FOXR1: variants seen among roughly 807,000 people sequenced by gnomAD.
FOXR1 encodes forkhead box protein R1.
A neutral mutation model predicts 34.5 loss-of-function variants in FOXR1; 25 were observed. That is an observed-to-expected ratio of 0.72 (90% CI 0.53 to 1.01). FOXR1 has a LOEUF of 1.01. FOXR1 is among the 50% of genes least tolerant of loss of function. The probability of loss-of-function intolerance (pLI) is 0.00; values close to 1 mark genes in which losing one functional copy is unlikely to be tolerated. For synonymous variants in FOXR1, 153 were observed against 141.6 expected, an observed-to-expected ratio of 1.08 and a Z score of -0.57; for missense variants, 373 against 376.2, an observed-to-expected ratio of 0.99 and a Z score of 0.07.
rs907187550 is a variant in FOXR1 at position 118,971,823 on chromosome 11, A to G, written c.-109A>G. 4.0e-6 allele frequency: 5 copies of G among 1,237,754 alleles called. No individual in the cohort carries two copies. The African/African-American group carries it at 4.5e-5, about 11-fold the overall frequency. The allele number at this position is 1,237,754 out of a possible 1,614,324, so 76.7% of individuals were successfully genotyped here. On this transcript the variant is annotated 5_prime_UTR_variant, in exon 1 of 6. Coordinates refer to ENST00000317011, the MANE Select transcript of FOXR1 (RefSeq NM_181721.3). Reference sequence around the variant, plus strand: ...CGCCGCGCTCCCACTCCGCGTCCCCACTCCGCGCCGCCGCGCCTCTGCCAG... The same window carrying G: ...CGCCGCGCTCCCACTCCGCGTCCCCGCTCCGCGCCGCCGCGCCTCTGCCAG...
rs559205346 is a variant in FOXR1, at chr11:118,972,133, C to G, written c.61+141C>G. On this transcript the variant is annotated intron_variant, in intron 1 of 5. Transcript: ENST00000317011. Reference sequence around the variant, plus strand: ...TTGGGGGGCCGAGCGCCCCGCGCCCCCCCCCCCCGACGGCTTAGCTCCGCC... The same window carrying G: ...TTGGGGGGCCGAGCGCCCCGCGCCCGCCCCCCCCGACGGCTTAGCTCCGCC... 1.0e-5 allele frequency: 6 copies of G among 575,036 alleles called. 1 individual carries two copies. The highest frequency in any genetic ancestry group is 2.2e-5 in the African/African-American group (1 of 44,786). The allele number at this position is 575,036 out of a possible 1,614,324, so 35.6% of individuals were successfully genotyped here.
At chr11:118,979,276 C>A in intron 3 of FOXR1, 72 bp downstream of exon 3, 1 of 1,501,258 alleles carries the variant, frequency 6.7e-7, no homozygotes, top group Non-Finnish European at 8.9e-7. Context: ...CATTACAGTT[C>A]TGCTCTCTTA....
At chr11:118,976,610 A>G (rs1941783225) in intron 1 of FOXR1, among the ~76,000 whole-genome samples, 1 of 152,220 alleles carries the variant, frequency 6.6e-6, no homozygotes, top group African/African-American at 2.4e-5. Context: ...TTCCTGTATT[A>G]ACTTGAATAT....
At position 118,979,571 on chromosome 11, in the gene FOXR1, T is replaced by TCCCGGC. The variant is rs782666369; in HGVS notation, c.518_523dup (p.Arg173_Pro174dup). The TCCCGGC allele has an allele frequency of 6.2e-7, 1 of 1,613,142 alleles. No homozygotes were observed. The highest frequency in any genetic ancestry group is 1.7e-5 in the Admixed American group (1 of 59,866). On this transcript the variant is annotated inframe_insertion, in exon 4 of 6. Transcript: ENST00000317011. ...CAGCAGCCAGGCGGGGAGGCTCTGG[T>TCCCGGC]CCCGGCCCCCTCTCAATTACTTCCA...
intron 1 of FOXR1, among the ~76,000 whole-genome samples, chr11:118,978,218 A>C (rs1212070705): frequency 1.6e-5 from 1 of 62,964 alleles, no homozygotes; most frequent in African/African-American, 5.6e-5. Context: ...ACTCCATCTG[A>C]AAAAAAAAAA....
At chr11:118,978,727 G>A in intron 1 of FOXR1, 55 bp from the exon 2 acceptor site, 1 of 1,590,776 alleles carries the variant, frequency 6.3e-7, no homozygotes. Context: ...GGATCCTAGG[G>A]TCACAAAGGG....
At chr11:118,976,056 A>C (rs887820548) in intron 1 of FOXR1, among the ~76,000 whole-genome samples, 14 of 152,204 alleles carry the variant, frequency 9.2e-5, no homozygotes, top group African/African-American at 3.4e-4. Flanking sequence ...AGCCAGAAAG[A>C]CACGAGGTGG....
At chr11:118,977,927 T>C (rs1350514079) in intron 1 of FOXR1, among the ~76,000 whole-genome samples, 1 of 151,834 alleles carries the variant, frequency 6.6e-6, no homozygotes, top group African/African-American at 2.4e-5. Context: ...ATACAAAAAA[T>C]ACAAAAATTG....
intron 5 of FOXR1, among the ~76,000 whole-genome samples, chr11:118,981,002 C>T (rs1247958961): frequency 1.3e-5 from 2 of 152,184 alleles, no homozygotes; most frequent in Admixed American, 1.3e-4. Flanking sequence ...CAATAGTGAG[C>T]ACACAACATG....
intron 1 of FOXR1, among the ~76,000 whole-genome samples, chr11:118,973,857 C>A (rs1337420923): frequency 2.0e-5 from 3 of 152,034 alleles, no homozygotes; most frequent in Non-Finnish European, 4.4e-5. Flanking sequence ...CCACACCCAG[C>A]TAATTTTTAT....
chr11:118,975,166 ATCAAAACTAGGGCG>A (rs1411994915), intron 1 of FOXR1, among the ~76,000 whole-genome samples: 1 of 152,128 alleles, frequency 6.6e-6, no homozygotes. Flanking sequence ...ACTATTGAGA[ATCAAAACTAGGGCG>A]TCTGTGGTAT....
chr11:118,976,881 A>G (rs1026328620), intron 1 of FOXR1, among the ~76,000 whole-genome samples: 3 of 152,134 alleles, frequency 2.0e-5, no homozygotes, highest in Non-Finnish European at 4.4e-5. Flanking sequence ...ATGCTGATTC[A>G]TATCATTTGT....
In FOXR1 at chr11:118,977,969, C is replaced by T. The variant is rs546642691; in HGVS notation, c.62-813C>T. Among the ~76,000 whole-genome samples the T allele has an allele frequency of 2.0e-5, 3 of 152,164 alleles. No individual in the cohort carries two copies. In the South Asian group the frequency reaches 6.2e-4, roughly 32 times the overall value. ...GCGCGGTGGCTCAAGCCTGTAATCC[C>T]AGCACTTTGGGAGGGTGAGGCAGGC... On this transcript the variant is annotated intron_variant, in intron 1 of 5. Coordinates refer to ENST00000317011, the MANE Select transcript of FOXR1 (RefSeq NM_181721.3).
At chr11:118,974,546 A>C (rs1160650199) in intron 1 of FOXR1, among the ~76,000 whole-genome samples, 1 of 152,182 alleles carries the variant, frequency 6.6e-6, no homozygotes, top group Non-Finnish European at 1.5e-5. Flanking sequence ...GTTTGGTTTA[A>C]TACACTGCTG....
Position 118,978,876 on chromosome 11 carries a change from A to T in FOXR1, c.136+20A>T. Reference sequence around the variant, plus strand: ...AGGATGGTACGTATTGAGTTCTCTGACCTGTTTCTGTGGCCTGGGCTGGAG... The same window carrying T: ...AGGATGGTACGTATTGAGTTCTCTGTCCTGTTTCTGTGGCCTGGGCTGGAG... On this transcript the variant is annotated intron_variant, in intron 2 of 5. Transcript: ENST00000317011. 2 of 1,614,198 alleles carry T rather than the reference A, an allele frequency of 1.2e-6. No individual in the cohort carries two copies. Among genetic ancestry groups the T allele is most frequent in the Middle Eastern group, 3.3e-4 (2 of 6,062 alleles).
intron 1 of FOXR1, 131 bp downstream of exon 1, chr11:118,972,123 C>G: frequency 2.0e-6 from 1 of 488,182 alleles, no homozygotes; most frequent in South Asian, 2.1e-5. Context: ...GGGCCGAGCG[C>G]CCCGCGCCCC....
At chr11:118,979,251 G>T in intron 3 of FOXR1, 47 bp downstream of exon 3, 1 of 1,505,102 alleles carries the variant, frequency 6.6e-7, no homozygotes, top group South Asian at 1.4e-5. Flanking sequence ...GTAGGCGAGG[G>T]GCATGGGGAA....
At position 118,975,764 on chromosome 11, in the gene FOXR1, G is replaced by C. The variant is rs570444530; in HGVS notation, c.62-3018G>C. Reference sequence around the variant, plus strand: ...GGGATCTGTGCCAAAGAGAGACACAGACATACAAAGGTGCTATCCTTGGGT... The same window carrying C: ...GGGATCTGTGCCAAAGAGAGACACACACATACAAAGGTGCTATCCTTGGGT... On this transcript the variant is annotated intron_variant, in intron 1 of 5. Transcript: ENST00000317011. Among the ~76,000 whole-genome samples the C allele has an allele frequency of 1.6e-3, 239 of 152,314 alleles. 1 individual carries two copies. The highest frequency in any genetic ancestry group is 3.4e-3 in the Middle Eastern group (1 of 294).
chr11:118,979,622 A>G lies in FOXR1; in HGVS notation c.565A>G (p.Ser189Gly), dbSNP rs1220402200. ...CCTAATTGCCCTGGCATTAAGAAAC[A>G]GTTCCCCCTGTGGCCTCAACGTGCA... ...FHLIALALRN[S>G]SPCGLNVQQI... Residue 189 changes from serine (S) to glycine (G), a missense_variant, in exon 4 of 6, where the codon AGT becomes GGT. Ser to Gly is a moderately conservative substitution (Grantham distance 56). Transcript: ENST00000317011. 2 of 1,612,030 alleles carry G rather than the reference A, an allele frequency of 1.2e-6. No homozygotes were observed. Among genetic ancestry groups the G allele is most frequent in the Admixed American group, 3.3e-5 (2 of 59,754 alleles).
Sources: gnomAD v4.1 joint callset for allele counts (sites outside exome capture counted in the v4.1 genomes callset) on GRCh38, gnomAD v4.1.1 for gene constraint, MANE v1.5 for transcripts, NCBI Gene and HGNC (gene_info 2026-07-23, HGNC 2026-07-21) for gene names.